Variants in EIF2D observed in about 807,000 individuals in gnomAD.
The protein encoded by EIF2D is hepatocellular carcinoma-associated antigen 56.
A neutral mutation model predicts 77.4 loss-of-function variants in EIF2D; 56 were observed. That is an observed-to-expected ratio of 0.72 (90% CI 0.58 to 0.90). EIF2D has a LOEUF of 0.90. Among genes scored for constraint, EIF2D ranks in the 40% least tolerant of loss-of-function variants. EIF2D has a pLI of 0.00. For synonymous variants in EIF2D, 230 were observed against 271.0 expected, an observed-to-expected ratio of 0.85 and a Z score of 1.49; for missense variants, 574 against 706.5, an observed-to-expected ratio of 0.81 and a Z score of 2.13.
intron 12 of EIF2D, among the ~76,000 whole-genome samples, chr1:206,596,505 A>G (rs781788176): frequency 1.3e-5 from 2 of 152,180 alleles, no homozygotes; most frequent in Non-Finnish European, 2.9e-5. Flanking sequence ...GATTTGACCC[A>G]TGGGCTGTAG....
chr1:206,574,853 C>CT (rs71570015), intron 4 of EIF2D, among the ~76,000 whole-genome samples: 12,935 of 86,092 alleles, frequency 0.15, 1,330 homozygotes, highest in Middle Eastern at 0.25. Context: ...GGACCAATGA[C>CT]TTTTTTTTTT....
At chr1:206,575,039 T>TGTTTTTGTTTTTG in intron 4 of EIF2D, among the ~76,000 whole-genome samples, 1 of 151,382 alleles carries the variant, frequency 6.6e-6, no homozygotes, top group African/African-American at 2.4e-5. Context: ...TTTTTGTTTT[T>TGTTTTTGTTTTTG]TTTTTTAGAA....
chr1:206,598,993 A>T lies in EIF2D; in HGVS notation c.1292+10T>A, dbSNP rs1553410710. On this transcript the variant is annotated intron_variant, in intron 11 of 14. Transcript: ENST00000271764. Reference sequence around the variant, plus strand: ...CAATAAGACAGATCTGGTGCTTCTCATGCACTCACTTTTTGTTGTCTGCAT... The same window carrying T: ...CAATAAGACAGATCTGGTGCTTCTCTTGCACTCACTTTTTGTTGTCTGCAT... The T allele has an allele frequency of 3.1e-6, 5 of 1,613,692 alleles. No individual in the cohort carries two copies. The African/African-American group carries it at 5.3e-5, about 17-fold the overall frequency.
intron 7 of EIF2D, chr1:206,602,101 C>T: frequency 2.1e-6 from 1 of 467,472 alleles, no homozygotes; most frequent in Non-Finnish European, 3.8e-6. Flanking sequence ...ACTTTCCGGT[C>T]CTCAATATCC....
chr1:206,579,360 C>T lies in EIF2D; in HGVS notation c.*254+1332G>A, dbSNP rs1249962698. 6.6e-6 allele frequency among the ~76,000 whole-genome samples: 1 copy of T among 152,192 alleles called. No individual in the cohort carries two copies. Among genetic ancestry groups the T allele is most frequent in the East Asian group, 1.9e-4 (1 of 5,204 alleles). ...TATTCTGTCTCTATCTTGGGCCACCCCAAGAGGCAAAACTGTCTGCTTGGT... is the reference window on the plus strand; with the variant it reads ...TATTCTGTCTCTATCTTGGGCCACCTCAAGAGGCAAAACTGTCTGCTTGGT... On this transcript the variant is annotated intron_variant and NMD_transcript_variant, in intron 4 of 5. Coordinates refer to the EIF2D transcript ENST00000472709. This position sits in a 1 kb window ranked among gnomAD's most constrained non-coding sequence, Gnocchi z 4.2.
At chr1:206,598,804 G>A (rs1669775903) in intron 11 of EIF2D, among the ~76,000 whole-genome samples, 199 bp downstream of exon 11, 1 of 151,220 alleles carries the variant, frequency 6.6e-6, no homozygotes, top group African/African-American at 2.4e-5. Context: ...GGTAGTCAAT[G>A]TTGATCGTAT....
At chr1:206,593,097 C>A (rs914971158) in intron 14 of EIF2D, among the ~76,000 whole-genome samples, 5 of 136,372 alleles carry the variant, frequency 3.7e-5, no homozygotes, top group African/African-American at 1.5e-4. Context: ...GGTGACAGAG[C>A]GAGATTCTGT....
chr1:206,594,235 C>T (rs1553409625), intron 13 of EIF2D: 1 of 152,412 alleles, frequency 6.6e-6, no homozygotes, highest in East Asian at 1.9e-4. Context: ...ATCATTTCAT[C>T]TATAAATATT....
At chr1:206,570,638 T>G (rs1157322603), downstream of EIF2D, among the ~76,000 whole-genome samples, 2 of 146,542 alleles carry the variant, frequency 1.4e-5, no homozygotes, top group Non-Finnish European at 3.0e-5. Flanking sequence ...TTCATATAAG[T>G]AGAATCACAC....
chr1:206,591,875 C>T (rs782217531), intron 14 of EIF2D, 30 bp from the exon 15 acceptor site: 15 of 1,611,986 alleles, frequency 9.3e-6, no homozygotes, highest in Non-Finnish European at 1.1e-5. Flanking sequence ...CACTCCTCAG[C>T]GGAGCATGAC....
intron 6 of EIF2D, 190 bp downstream of exon 6, chr1:206,602,761 A>C (rs1669985672): frequency 1.2e-6 from 1 of 842,196 alleles, no homozygotes; most frequent in African/African-American, 1.7e-5. Context: ...TCCCAGGAAG[A>C]CGTGACTTAT....
rs1553411722 is a variant in EIF2D, at chr1:206,603,035, C to T, written c.700G>A (p.Glu234Lys). Reference protein sequence around the residue: ...EENGEVHQAREDKSLSEAPED... With the variant: ...EENGEVHQARKDKSLSEAPED... ...GGGGCTTCTGAGAGAGACTTGTCTT[C>T]ACGTGCCTGGTGAACCTCCCCATTC... is the stretch of plus-strand genomic sequence containing the variant. Residue 234 changes from glutamate (E) to lysine (K), a missense_variant, in exon 6 of 15, where the codon GAA (glutamate) becomes AAA (lysine). Glu to Lys is a moderately conservative substitution (Grantham distance 56). Coordinates refer to ENST00000271764, the MANE Select transcript of EIF2D (RefSeq NM_006893.3). 6.2e-7 allele frequency: 1 copy of T among 1,614,190 alleles called. No individual in the cohort carries two copies. Among genetic ancestry groups the T allele is most frequent in the South Asian group, 1.1e-5 (1 of 91,082 alleles).
chr1:206,610,540 GC>G (rs1371876984), intron 2 of EIF2D, among the ~76,000 whole-genome samples: 4 of 151,840 alleles, frequency 2.6e-5, no homozygotes, highest in Non-Finnish European at 5.9e-5. Context: ...TATATTTTTG[GC>G]CAGGCGCGGT....
intron 2 of EIF2D, chr1:206,583,222 C>A: frequency 7.7e-7 from 1 of 1,294,712 alleles, no homozygotes; most frequent in Non-Finnish European, 1.1e-6. Context: ...CCCTTTCTCA[C>A]CCTGAGAACT....
intron 2 of EIF2D, among the ~76,000 whole-genome samples, chr1:206,582,228 T>C (rs969409742): frequency 2.6e-5 from 4 of 152,166 alleles, no homozygotes; most frequent in African/African-American, 9.7e-5. Context: ...TTCACCCCTG[T>C]ATTGTCTCTA....
chr1:206,583,794 T>C (rs1553406897), intron 2 of EIF2D: 1 of 191,812 alleles, frequency 5.2e-6, no homozygotes, highest in Non-Finnish European at 1.1e-5. Flanking sequence ...GCACCCAACT[T>C]AGCACCCAGT....
At chr1:206,586,801 C>G (rs199749166), downstream of EIF2D, 103 of 1,595,292 alleles carry the variant, frequency 6.5e-5, no homozygotes, top group African/African-American at 1.1e-3. Context: ...TGTTTCTTCC[C>G]ACAAATCTCC....
rs1338873666 is a variant in EIF2D at position 206,592,578 on chromosome 1, G to A, written c.1685-733C>T. 6.6e-6 allele frequency among the ~76,000 whole-genome samples: 1 copy of A among 152,240 alleles called. No homozygotes were observed. The highest frequency in any genetic ancestry group is 2.4e-5 in the African/African-American group (1 of 41,456). On this transcript the variant is annotated intron_variant, in intron 14 of 14. Transcript: ENST00000271764. The surrounding 1 kb of genome is among the most constrained non-coding windows in gnomAD (Gnocchi z 4.7). ...GACAGCTGGTGCCTGCAACATGGGT[G>A]TAGGAGCTGCCAGAGAGAGCCTGGC... is the stretch of plus-strand genomic sequence containing the variant.
chr1:206,608,831 G>C (rs11807932), intron 3 of EIF2D, among the ~76,000 whole-genome samples: 10,036 of 152,244 alleles, frequency 0.066, 410 homozygotes, highest in African/African-American at 0.11. Context: ...GCGGGCAGTT[G>C]ACTTGAGGTC....
Sources: gnomAD v4.1 joint callset for allele counts (sites outside exome capture counted in the v4.1 genomes callset) on GRCh38, gnomAD v4.1.1 for gene constraint, Gnocchi (gnomAD v3.1) non-coding constraint, MANE v1.5 for transcripts, NCBI Gene and HGNC (gene_info 2026-07-23, HGNC 2026-07-21) for gene names.